The following PIERCE1 variants were observed in gnomAD, a reference collection of about 807,000 sequenced individuals.
The protein encoded by PIERCE1 is piercer of microtubule wall 1, also known as piercer of microtubule wall 1 protein.
the PIERCE1 span, chr9:135,499,801 G>C: frequency 1.2e-6 from 2 of 1,603,778 alleles, no homozygotes; most frequent in East Asian, 2.3e-5. Flanking sequence ...GCGGGGCCGT[G>C]GCCTTGGGCG....
the PIERCE1 span, chr9:135,499,838 C>T: frequency 6.3e-7 from 1 of 1,587,510 alleles, no homozygotes; most frequent in Admixed American, 1.8e-5. Context: ...CGCTCTGGGG[C>T]ATTCCTCAGC....
chr9:135,495,619 T>G, the PIERCE1 span: 4 of 1,609,594 alleles, frequency 2.5e-6, no homozygotes, highest in Non-Finnish European at 3.4e-6. Flanking sequence ...ATACTTTCTA[T>G]AAGAGATAAA....
At chr9:135,498,993 G>T in the PIERCE1 span, 1 of 314,366 alleles carries the variant, frequency 3.2e-6, no homozygotes, top group Non-Finnish European at 6.0e-6. This position sits in a 1 kb window ranked among gnomAD's most constrained non-coding sequence, Gnocchi z 4.1. Context: ...AACCTAGCTT[G>T]TCAGGAGCGG....
chr9:135,496,084 G>A, the PIERCE1 span, among the ~76,000 whole-genome samples: 2 of 152,368 alleles, frequency 1.3e-5, no homozygotes, highest in Non-Finnish European at 1.5e-5. Context: ...GGAGGCTGAG[G>A]CAGGTGGATC....
the PIERCE1 span, chr9:135,495,316 G>C: frequency 1.0e-6 from 1 of 1,001,600 alleles, no homozygotes; most frequent in African/African-American, 1.6e-5. Flanking sequence ...TATTTTCAGG[G>C]AAGGCAGCGC....
the PIERCE1 span, chr9:135,498,479 A>T: frequency 8.8e-6 from 8 of 907,400 alleles, no homozygotes; most frequent in Non-Finnish European, 1.4e-5. The surrounding 1 kb of genome is among the most constrained non-coding windows in gnomAD (Gnocchi z 4.1). Flanking sequence ...CCCTGGGTGC[A>T]CCCCTCCCCG....
At chr9:135,499,565 G>A in the PIERCE1 span, 1 of 1,138,864 alleles carries the variant, frequency 8.8e-7, no homozygotes, top group Non-Finnish European at 1.3e-6. Flanking sequence ...CCGCTCACTG[G>A]CGGGCGATGA....
chr9:135,497,319 C>T, the PIERCE1 span, among the ~76,000 whole-genome samples: 1 of 152,166 alleles, frequency 6.6e-6, no homozygotes, highest in Admixed American at 6.5e-5. Context: ...CTACCATTTA[C>T]AATAGGAACA....
chr9:135,496,629 GT>G, the PIERCE1 span, among the ~76,000 whole-genome samples: 2 of 152,170 alleles, frequency 1.3e-5, no homozygotes, highest in Non-Finnish European at 2.9e-5. Flanking sequence ...AGCAAACACA[GT>G]TCCCCCTGTC....
chr9:135,499,488 C>G, the PIERCE1 span: 7 of 728,102 alleles, frequency 9.6e-6, no homozygotes, highest in African/African-American at 1.2e-4. Flanking sequence ...GCTTTCTCCC[C>G]CCACGGCCCT....
the PIERCE1 span, chr9:135,499,724 C>T: frequency 6.2e-7 from 1 of 1,608,218 alleles, no homozygotes; most frequent in Non-Finnish European, 8.5e-7. Context: ...GCCCCGGAAC[C>T]ACCCCGGGTT....
the PIERCE1 span, chr9:135,495,480 G>A: frequency 9.3e-6 from 15 of 1,613,886 alleles, no homozygotes; most frequent in Middle Eastern, 1.6e-4. Context: ...AAGTTGAGCC[G>A]GTCACAGGAG....
At chr9:135,496,074 G>A in the PIERCE1 span, among the ~76,000 whole-genome samples, 789 of 152,342 alleles carry the variant, frequency 5.2e-3, 7 homozygotes, top group Middle Eastern at 6.8e-3. Context: ...CAGCACTCTG[G>A]GAGGCTGAGG....
At chr9:135,498,511 A>C in the PIERCE1 span, 17 of 1,291,004 alleles carry the variant, frequency 1.3e-5, no homozygotes, top group Non-Finnish European at 1.8e-5. This position sits in a 1 kb window ranked among gnomAD's most constrained non-coding sequence, Gnocchi z 4.1. Flanking sequence ...ACCTGTTGAG[A>C]ACCCCAGGTT....
chr9:135,498,576 C>A, the PIERCE1 span: 1 of 1,613,648 alleles, frequency 6.2e-7, no homozygotes, highest in Admixed American at 1.7e-5. The surrounding 1 kb of genome is among the most constrained non-coding windows in gnomAD (Gnocchi z 4.1). Context: ...GGTCTTGCAT[C>A]CCACTTACAG....
the PIERCE1 span, chr9:135,498,546 ACCCCCTG>A: frequency 6.3e-7 from 1 of 1,595,268 alleles, no homozygotes; most frequent in Non-Finnish European, 8.6e-7. This position sits in a 1 kb window ranked among gnomAD's most constrained non-coding sequence, Gnocchi z 4.1. Flanking sequence ...GAGGCCACCC[ACCCCCTG>A]CCCCCCATGC....
At chr9:135,496,125 G>GC in the PIERCE1 span, among the ~76,000 whole-genome samples, 205 of 152,334 alleles carry the variant, frequency 1.3e-3, no homozygotes, top group African/African-American at 4.7e-3. Context: ...GACCAGCCTG[G>GC]CCAACATAGT....
the PIERCE1 span, among the ~76,000 whole-genome samples, chr9:135,495,772 C>T: frequency 3.9e-5 from 6 of 152,148 alleles, no homozygotes; most frequent in South Asian, 2.1e-4. Flanking sequence ...AATCCATGCC[C>T]GATGCCTGGC....
the PIERCE1 span, chr9:135,499,578 G>C: frequency 7.9e-7 from 1 of 1,262,610 alleles, no homozygotes; most frequent in Non-Finnish European, 1.1e-6. Flanking sequence ...GGCGATGACA[G>C]CGCGGGCCCC....
Sources: gnomAD v4.1 joint callset for allele counts (sites outside exome capture counted in the v4.1 genomes callset) on GRCh38, gnomAD v4.1.1 for gene constraint, Gnocchi (gnomAD v3.1) non-coding constraint, MANE v1.5 for transcripts, NCBI Gene and HGNC (gene_info 2026-07-23, HGNC 2026-07-21) for gene names.